Variants in LRRC38 observed in about 807,000 individuals in gnomAD.
The protein encoded by LRRC38 is leucine rich repeat containing 38.
LRRC38 carries 5 observed loss-of-function variants against 16.4 expected under a neutral mutation model. The ratio of observed to expected loss-of-function variants is 0.31; its 90% CI spans 0.16 to 0.64. The LOEUF (loss-of-function observed/expected upper bound fraction) is 0.64, where lower values mean the gene tolerates loss of function less well. LRRC38 is among the 30% of genes least tolerant of loss of function. LRRC38 has a pLI of 0.80. For synonymous variants in LRRC38, 191 were observed against 190.2 expected (o/e 1.00, Z -0.04); for missense variants, 341 against 401.8 (o/e 0.85, Z 1.29).
rs1294281029 is a variant in LRRC38, at chr1:13,487,208, G to A, written c.632-11109C>T. Among the ~76,000 whole-genome samples, 1 of 152,090 alleles carries A rather than the reference G, an allele frequency of 6.6e-6. No individual in the cohort carries two copies. Among genetic ancestry groups the A allele is most frequent in the Non-Finnish European group, 1.5e-5 (1 of 68,026 alleles). Reference sequence around the variant, plus strand: ...GTCAGAGTTGGCTTCTGTTGTTTACGCTCAAGATACCCAACCGATGGATTC... The same window carrying A: ...GTCAGAGTTGGCTTCTGTTGTTTACACTCAAGATACCCAACCGATGGATTC... On this transcript the variant is annotated intron_variant, in intron 1 of 1. Coordinates refer to ENST00000376085, the MANE Select transcript of LRRC38 (RefSeq NM_001010847.2). The surrounding 1 kb of genome is among the most constrained non-coding windows in gnomAD (Gnocchi z 4.4).
intron 1 of LRRC38, among the ~76,000 whole-genome samples, chr1:13,497,962 C>CAAAAAAAAAAA (rs370605050): frequency 7.2e-5 from 5 of 68,988 alleles, no homozygotes; most frequent in African/African-American, 1.7e-4. Flanking sequence ...AACTCCATCA[C>CAAAAAAAAAAA]AAAAAAAAAA....
At chr1:13,492,558 C>T (rs1341240967) in intron 1 of LRRC38, among the ~76,000 whole-genome samples, 3 of 152,134 alleles carry the variant, frequency 2.0e-5, no homozygotes, top group East Asian at 1.9e-4. Flanking sequence ...AAAAATTAGC[C>T]GGGCCTGGTG....
At chr1:13,505,173 T>C (rs990562149) in intron 1 of LRRC38, among the ~76,000 whole-genome samples, 1 of 152,212 alleles carries the variant, frequency 6.6e-6, no homozygotes, top group African/African-American at 2.4e-5. Flanking sequence ...CATCAGCCAC[T>C]CCCGCTGTGC....
intron 1 of LRRC38, among the ~76,000 whole-genome samples, chr1:13,508,520 G>C (rs1244000430): frequency 1.3e-5 from 2 of 152,182 alleles, no homozygotes; most frequent in African/African-American, 4.8e-5. Flanking sequence ...TTTTGCGAAT[G>C]TACAGTATAA....
intron 1 of LRRC38, among the ~76,000 whole-genome samples, chr1:13,506,896 C>A (rs1170086723): frequency 6.6e-6 from 1 of 152,238 alleles, no homozygotes; most frequent in Non-Finnish European, 1.5e-5. Flanking sequence ...AAGGGCTTAA[C>A]CCTTTGGGTA....
chr1:13,513,699 G>A lies in LRRC38; in HGVS notation c.-106C>T. 1.3e-6 allele frequency: 1 copy of A among 753,600 alleles called. No homozygotes were observed. The highest frequency in any genetic ancestry group is 1.6e-6 in the Non-Finnish European group (1 of 614,526). 46.7% of individuals were successfully genotyped at this position (753,600 alleles called of 1,614,324 possible). ...ACTGGCTGCCGGGCGCGGGGAGCCA[G>A]AGGGCGGCCCGGGCGGGGAGGGCGT... is the stretch of plus-strand genomic sequence containing the variant. On this transcript the variant is annotated 5_prime_UTR_variant, in exon 1 of 2. Coordinates refer to ENST00000376085, the MANE Select transcript of LRRC38 (RefSeq NM_001010847.2).
intron 1 of LRRC38, among the ~76,000 whole-genome samples, chr1:13,492,900 C>T (rs1004353148): frequency 6.6e-6 from 1 of 152,112 alleles, no homozygotes; most frequent in Non-Finnish European, 1.5e-5. Context: ...TGCTCTGCCG[C>T]TCCCCTCTCC....
chr1:13,487,515 G>T lies in LRRC38; in HGVS notation c.632-11416C>A, dbSNP rs532802256. 1.3e-5 allele frequency among the ~76,000 whole-genome samples: 2 copies of T among 152,234 alleles called. No individual in the cohort carries two copies. The highest frequency in any genetic ancestry group is 4.2e-4 in the South Asian group (2 of 4,814). On this transcript the variant is annotated intron_variant, in intron 1 of 1. Transcript: ENST00000376085. The surrounding 1 kb of genome is among the most constrained non-coding windows in gnomAD (Gnocchi z 4.4). ...TCTCATTCTGGCCTAGGCAGAACAG[G>T]GCCCACAGCGCCCTCCCCTTATAAC...
At position 13,486,189 on chromosome 1, in the gene LRRC38, G is replaced by A. The variant is rs115803646; in HGVS notation, c.632-10090C>T. Among the ~76,000 whole-genome samples, 921 of 152,192 alleles carry A rather than the reference G, an allele frequency of 6.1e-3. 11 individuals are homozygous for A. Among genetic ancestry groups the A allele is most frequent in the African/African-American group, 0.021 (886 of 41,514 alleles). On this transcript the variant is annotated intron_variant, in intron 1 of 1. Coordinates refer to ENST00000376085, the MANE Select transcript of LRRC38 (RefSeq NM_001010847.2). Reference sequence around the variant, plus strand: ...CTTCTGGTAGTTCTTCACATCCTTTGGCTTATGGCCGCCTCCCTCCAGCCT... The same window carrying A: ...CTTCTGGTAGTTCTTCACATCCTTTAGCTTATGGCCGCCTCCCTCCAGCCT...
At chr1:13,500,620 A>C (rs937067352) in intron 1 of LRRC38, among the ~76,000 whole-genome samples, 1 of 152,198 alleles carries the variant, frequency 6.6e-6, no homozygotes, top group African/African-American at 2.4e-5. Context: ...CTGATGTCTC[A>C]TGTCTTCCTA....
At chr1:13,482,340 G>A (rs1415531997) in intron 1 of LRRC38, among the ~76,000 whole-genome samples, 2 of 152,066 alleles carry the variant, frequency 1.3e-5, no homozygotes, top group African/African-American at 2.4e-5. Flanking sequence ...ACTTTGGGAG[G>A]CTGAGGCGGG....
chr1:13,481,398 TG>T (rs1553134528), intron 1 of LRRC38, among the ~76,000 whole-genome samples: 1 of 149,664 alleles, frequency 6.7e-6, no homozygotes. Flanking sequence ...TTTTTTTTTT[TG>T]TTCTTTTTTT....
intron 1 of LRRC38, among the ~76,000 whole-genome samples, chr1:13,508,694 T>G (rs1476427671): frequency 1.3e-5 from 2 of 152,222 alleles, no homozygotes; most frequent in Non-Finnish European, 2.9e-5. Context: ...AACATAAAGC[T>G]GCTTTTATTT....
intron 1 of LRRC38, 89 bp downstream of exon 1, chr1:13,512,874 C>A: frequency 2.2e-6 from 3 of 1,384,242 alleles, no homozygotes; most frequent in South Asian, 1.4e-5. Flanking sequence ...CCAAACTCAA[C>A]CCACGGCTCC....
At position 13,486,344 on chromosome 1, in the gene LRRC38, C is replaced by T. The variant is rs144155809; in HGVS notation, c.632-10245G>A. 3.8e-3 allele frequency among the ~76,000 whole-genome samples: 583 copies of T among 152,278 alleles called. 2 individuals carry two copies. The highest frequency in any genetic ancestry group is 0.01 in the Middle Eastern group (3 of 294). ...CCCTCAGTCCAGGATGATCTCATCT[C>T]CAGATCCTTCATTTAATTACATTTG... On this transcript the variant is annotated intron_variant, in intron 1 of 1. Transcript: ENST00000376085.
intron 1 of LRRC38, among the ~76,000 whole-genome samples, chr1:13,492,738 C>G (rs953224669): frequency 6.6e-6 from 1 of 152,016 alleles, no homozygotes; most frequent in Non-Finnish European, 1.5e-5. Context: ...GAAAACATAC[C>G]ATTACCCAGC....
intron 1 of LRRC38, among the ~76,000 whole-genome samples, chr1:13,486,793 G>A (rs1638940940): frequency 1.3e-5 from 2 of 151,918 alleles, no homozygotes; most frequent in African/African-American, 4.8e-5. Flanking sequence ...ATTTCGCCAT[G>A]TTGCCCAGGC....
At chr1:13,489,951 G>C (rs1569920785) in intron 1 of LRRC38, among the ~76,000 whole-genome samples, 1 of 152,238 alleles carries the variant, frequency 6.6e-6, no homozygotes, top group East Asian at 1.9e-4. Context: ...CTGTAGAAGG[G>C]GCAGTGCAGT....
In LRRC38 at chr1:13,475,795, A is replaced by G; in HGVS notation, c.*51T>C. 6.5e-7 allele frequency: 1 copy of G among 1,532,702 alleles called. No individual in the cohort carries two copies. Among genetic ancestry groups the G allele is most frequent in the Non-Finnish European group, 8.8e-7 (1 of 1,136,460 alleles). 94.9% of individuals were successfully genotyped at this position (1,532,702 alleles called of 1,614,324 possible). On this transcript the variant is annotated 3_prime_UTR_variant, in exon 2 of 2. Transcript: ENST00000376085. This position sits in a 1 kb window ranked among gnomAD's most constrained non-coding sequence, Gnocchi z 4.3. ...TCAGCATTTCCCTCTCGTCTTGGAGAGAGCTTCTGGTTCGGTGCTGGAGAG... is the reference window on the plus strand; with the variant it reads ...TCAGCATTTCCCTCTCGTCTTGGAGGGAGCTTCTGGTTCGGTGCTGGAGAG...
Sources: allele counts gnomAD v4.1 joint callset (sites outside exome capture counted in the v4.1 genomes callset), GRCh38; gene constraint gnomAD v4.1.1; non-coding constraint Gnocchi (gnomAD v3.1); transcripts MANE v1.5; gene names NCBI Gene and HGNC (gene_info 2026-07-23, HGNC 2026-07-21).